DCDC1: variants seen among roughly 807,000 people sequenced by gnomAD.
DCDC1 encodes the protein doublecortin domain containing 1.
Under a neutral mutation model 178.3 loss-of-function variants are expected in DCDC1, and 200 were observed. That is an observed-to-expected ratio of 1.12 (90% CI 1.00 to 1.26). The LOEUF (loss-of-function observed/expected upper bound fraction) is 1.26. Ranked by LOEUF, DCDC1 falls within the 50% of genes most tolerant of loss-of-function variation. The pLI is 0.00. For synonymous variants in DCDC1, 690 were observed against 604.8 expected, an observed-to-expected ratio of 1.14 and a Z score of -2.07; for missense variants, 1,983 against 1,749.2, an observed-to-expected ratio of 1.13 and a Z score of -2.38.
At chr11:31,368,987 C>G (rs1418089587) in intron 1 of DCDC1, among the ~76,000 whole-genome samples, 1 of 152,056 alleles carries the variant, frequency 6.6e-6, no homozygotes, top group African/African-American at 2.4e-5. Context: ...AATAACAAAC[C>G]CCAACAGTGC....
chr11:31,359,119 A>T (rs1305336415), intron 1 of DCDC1, among the ~76,000 whole-genome samples: 2 of 152,174 alleles, frequency 1.3e-5, no homozygotes, highest in Non-Finnish European at 2.9e-5. Flanking sequence ...ATGCTGCTAT[A>T]AAGACACACG....
At chr11:31,269,696 A>G (rs1945420534) in intron 7 of DCDC1, among the ~76,000 whole-genome samples, 1 of 152,152 alleles carries the variant, frequency 6.6e-6, no homozygotes, top group Non-Finnish European at 1.5e-5. Flanking sequence ...TGTTAATTCC[A>G]TGCAGCTCAA....
At chr11:31,369,613 G>A (rs1350232452) in intron 1 of DCDC1, 84 bp downstream of exon 1, 1 of 152,808 alleles carries the variant, frequency 6.5e-6, no homozygotes, top group Non-Finnish European at 1.5e-5. Flanking sequence ...TGAGGAGGAG[G>A]AGAGAAGCGA....
chr11:30,903,852 T>C (rs1329344239), intron 31 of DCDC1, 169 bp from the exon 32 acceptor site: 13 of 579,922 alleles, frequency 2.2e-5, no homozygotes, highest in East Asian at 1.6e-4. Context: ...ATTTTGGATA[T>C]TAGATTGTCC....
At chr11:30,988,839 C>T (rs1327710739) in intron 20 of DCDC1, among the ~76,000 whole-genome samples, 1 of 152,204 alleles carries the variant, frequency 6.6e-6, no homozygotes, top group Non-Finnish European at 1.5e-5. Flanking sequence ...CAAGCTTGAT[C>T]TAGAGCCTTT....
chr11:31,323,838 C>T (rs1234104825), intron 3 of DCDC1, among the ~76,000 whole-genome samples: 1 of 152,078 alleles, frequency 6.6e-6, no homozygotes, highest in East Asian at 1.9e-4. Flanking sequence ...GTACACAAAG[C>T]ACAAAGTTTT....
chr11:30,945,746 A>ATCTGTCTG (rs10566619), intron 21 of DCDC1, among the ~76,000 whole-genome samples: 2 of 106,948 alleles, frequency 1.9e-5, no homozygotes, highest in South Asian at 2.9e-4. Flanking sequence ...CTATCTATCT[A>ATCTGTCTG]TCTGTCTGTC....
chr11:31,353,240 T>C (rs746437471), intron 1 of DCDC1, among the ~76,000 whole-genome samples: 2 of 152,232 alleles, frequency 1.3e-5, no homozygotes, highest in African/African-American at 2.4e-5. Context: ...AACCTAATAC[T>C]TCGCAAAATT....
chr11:30,985,901 A>G (rs1950615895), intron 20 of DCDC1, among the ~76,000 whole-genome samples: 1 of 152,202 alleles, frequency 6.6e-6, no homozygotes, highest in African/African-American at 2.4e-5. Context: ...GAAACAATAT[A>G]TTAAAATTGA....
chr11:31,346,058 A>G (rs1419327128), intron 1 of DCDC1, among the ~76,000 whole-genome samples: 1 of 152,218 alleles, frequency 6.6e-6, no homozygotes, highest in Non-Finnish European at 1.5e-5. Flanking sequence ...TTATAAACAC[A>G]GGAATACCTA....
chr11:31,213,459 T>A (rs765314785), intron 9 of DCDC1, among the ~76,000 whole-genome samples: 3 of 151,916 alleles, frequency 2.0e-5, no homozygotes, highest in Admixed American at 6.6e-5. Context: ...TGGCTTATCA[T>A]GTCTGTAATC....
chr11:31,311,918 C>T (rs1426437264), intron 3 of DCDC1, among the ~76,000 whole-genome samples: 1 of 152,178 alleles, frequency 6.6e-6, no homozygotes, highest in African/African-American at 2.4e-5. Flanking sequence ...TGCCTCTCTG[C>T]TGCCACGACC....
intron 9 of DCDC1, among the ~76,000 whole-genome samples, chr11:31,224,245 C>T (rs1210216763): frequency 1.3e-5 from 2 of 151,816 alleles, no homozygotes; most frequent in African/African-American, 4.8e-5. Context: ...TAAATATATA[C>T]ATATACATAT....
chr11:30,906,725 C>A lies in DCDC1; in HGVS notation c.3919G>T (p.Gly1307Ter), dbSNP rs186386786. 4.7e-4 allele frequency: 757 copies of A among 1,610,282 alleles called. 1 individual carries two copies. Among genetic ancestry groups the A allele is most frequent in the Non-Finnish European group, 5.3e-4 (619 of 1,177,910 alleles). ...CCATCAGGTGAGAGATAACAGTATC[C>A]CTAAAATGGGAGACAAAGATGGCTT... is the stretch of plus-strand genomic sequence containing the variant. The part of the protein sequence containing the change: ...VIKEENIDQP[G>*]YCYLSPDGKR... The change falls in exon 30 of 39, where the codon GGA becomes TGA. Residue 1307 changes from glycine to a stop codon, truncating the protein, a stop_gained and splice_region_variant. Transcript: ENST00000684477. LOFTEE classifies it high-confidence loss of function.
chr11:30,934,237 C>T (rs1476105433), intron 21 of DCDC1, among the ~76,000 whole-genome samples: 1 of 152,132 alleles, frequency 6.6e-6, no homozygotes, highest in Non-Finnish European at 1.5e-5. Context: ...CCTAGGGACT[C>T]CTATCAAGTC....
intron 9 of DCDC1, among the ~76,000 whole-genome samples, chr11:31,196,063 T>C (rs1377783571): frequency 6.6e-6 from 1 of 151,984 alleles, no homozygotes; most frequent in East Asian, 1.9e-4. Flanking sequence ...TCTTCCACCC[T>C]AGACTCCCTC....
chr11:30,925,996 A>G lies in DCDC1; in HGVS notation c.2898-588T>C, dbSNP rs548465324. On this transcript the variant is annotated intron_variant, in intron 22 of 38. Coordinates refer to ENST00000684477, the MANE Select transcript of DCDC1 (RefSeq NM_001387274.1). ...CCCACAACCCCCTGCCTTCCCAAACAAGCACCGGACAAGCCCTGTGGATAT... is the reference window on the plus strand; with the variant it reads ...CCCACAACCCCCTGCCTTCCCAAACGAGCACCGGACAAGCCCTGTGGATAT... 2.6e-5 allele frequency among the ~76,000 whole-genome samples: 4 copies of G among 152,202 alleles called. No individual in the cohort carries two copies. The South Asian group carries it at 8.3e-4, about 32-fold the overall frequency.
At chr11:31,004,152 T>A (rs892729271) in intron 20 of DCDC1, among the ~76,000 whole-genome samples, 4 of 152,172 alleles carry the variant, frequency 2.6e-5, no homozygotes, top group Non-Finnish European at 5.9e-5. Flanking sequence ...GGAGGATATA[T>A]AAGAACTACT....
intron 9 of DCDC1, among the ~76,000 whole-genome samples, chr11:31,184,815 G>A (rs1969272784): frequency 6.6e-6 from 1 of 152,196 alleles, no homozygotes; most frequent in East Asian, 1.9e-4. Context: ...TTACACTGCT[G>A]GTGGGAGTGT....
Sources: gnomAD v4.1 joint callset for allele counts (sites outside exome capture counted in the v4.1 genomes callset) on GRCh38, gnomAD v4.1.1 for gene constraint, MANE v1.5 for transcripts, NCBI Gene and HGNC (gene_info 2026-07-23, HGNC 2026-07-21) for gene names.